Variants in AFG1L observed in about 807,000 individuals in gnomAD.
AFG1L encodes AFG1 like ATPase, also known as AFG1-like ATPase.
A neutral mutation model predicts 62.2 loss-of-function variants in AFG1L; 53 were observed. The ratio of observed to expected loss-of-function variants is 0.85; its 90% CI spans 0.68 to 1.07. The LOEUF is 1.07. Among genes scored for constraint, AFG1L ranks in the 50% least tolerant of loss-of-function variants. The probability of loss-of-function intolerance (pLI) is 0.00; values close to 1 mark genes in which losing one functional copy is unlikely to be tolerated. For missense variants in AFG1L, 555 were observed against 590.5 expected (o/e 0.94, Z 0.62); for synonymous variants, 228 against 210.3 (o/e 1.08, Z -0.73).
intron 10 of AFG1L, among the ~76,000 whole-genome samples, chr6:108,504,397 GA>G (rs925168344): frequency 2.0e-5 from 3 of 152,168 alleles, no homozygotes; most frequent in Admixed American, 2.0e-4. Context: ...TGAAGAGAGG[GA>G]GAAAGATGGG....
rs561002760 is a variant in AFG1L, at chr6:108,305,189, T to C, written c.139+9971T>C. The stretch of plus-strand genomic sequence containing the variant: ...TACAGAATTTCTAGAGCCATTTTAA[T>C]TCTGGAGAGGCTCATTATATTAACA... On this transcript the variant is annotated intron_variant, in intron 1 of 12. Transcript: ENST00000368977. 2.4e-4 allele frequency among the ~76,000 whole-genome samples: 37 copies of C among 152,350 alleles called. No individual in the cohort carries two copies. In the South Asian group the frequency reaches 7.3e-3, roughly 30 times the overall value.
intron 3 of AFG1L, among the ~76,000 whole-genome samples, chr6:108,352,942 G>A (rs1395359976): frequency 2.6e-5 from 4 of 152,074 alleles, no homozygotes; most frequent in African/African-American, 7.2e-5. Flanking sequence ...ACTAGATACA[G>A]AGGGCCAACT....
At chr6:108,491,617 G>A (rs1166321607) in intron 10 of AFG1L, among the ~76,000 whole-genome samples, 2 of 152,126 alleles carry the variant, frequency 1.3e-5, no homozygotes, top group Non-Finnish European at 2.9e-5. Context: ...GCCTTTCATG[G>A]ATGTTTTTAT....
chr6:108,446,491 CTTTT>C (rs1184074963), intron 7 of AFG1L, among the ~76,000 whole-genome samples: 1 of 122,294 alleles, frequency 8.2e-6, no homozygotes, highest in East Asian at 2.3e-4. Context: ...CTCTCTCTCT[CTTTT>C]TTTTTTTTTT....
chr6:108,414,287 A>G (rs952395652), intron 7 of AFG1L, among the ~76,000 whole-genome samples: 3 of 152,208 alleles, frequency 2.0e-5, no homozygotes, highest in Admixed American at 1.3e-4. Context: ...TTAATAGCCT[A>G]CCAACCCAAA....
chr6:108,379,294 G>T (rs948484763), intron 6 of AFG1L, among the ~76,000 whole-genome samples: 1 of 152,116 alleles, frequency 6.6e-6, no homozygotes, highest in African/African-American at 2.4e-5. Flanking sequence ...ACAGGCATGA[G>T]CCACCGCGCC....
intron 10 of AFG1L, among the ~76,000 whole-genome samples, chr6:108,478,420 G>A (rs1175288850): frequency 6.6e-6 from 1 of 152,242 alleles, no homozygotes; most frequent in African/African-American, 2.4e-5. Context: ...CTGGGTGACA[G>A]TGCGAGACTC....
intron 8 of AFG1L, among the ~76,000 whole-genome samples, chr6:108,468,065 C>G (rs1476186600): frequency 6.6e-6 from 1 of 152,194 alleles, no homozygotes; most frequent in Admixed American, 6.5e-5. Flanking sequence ...CAGCACCCCA[C>G]CAGAATCTGT....
chr6:108,401,545 G>A (rs6934910), intron 6 of AFG1L, among the ~76,000 whole-genome samples: 15,433 of 152,114 alleles, frequency 0.1, 1,096 homozygotes, highest in South Asian at 0.19. Flanking sequence ...TCCCCAAAGT[G>A]CTAGGATTAC....
chr6:108,390,639 C>T (rs1012834849), intron 6 of AFG1L, among the ~76,000 whole-genome samples: 4 of 152,218 alleles, frequency 2.6e-5, no homozygotes, highest in South Asian at 2.1e-4. Context: ...CCACTCCAGA[C>T]GCTGTTTGCC....
intron 8 of AFG1L, among the ~76,000 whole-genome samples, chr6:108,471,185 A>T (rs569325820): frequency 3.1e-4 from 47 of 152,282 alleles, no homozygotes; most frequent in Admixed American, 1.2e-3. Context: ...AATGTGAGTG[A>T]ATCTTTCTTG....
At chr6:108,321,994 T>G (rs1353857555) in intron 1 of AFG1L, among the ~76,000 whole-genome samples, 1 of 152,164 alleles carries the variant, frequency 6.6e-6, no homozygotes, top group Non-Finnish European at 1.5e-5. Flanking sequence ...GCCGTCCTCC[T>G]ACCTCAGCCT....
At position 108,338,097 on chromosome 6, in the gene AFG1L, G is replaced by A. The variant is rs771489071; in HGVS notation, c.364-8891G>A. Among the ~76,000 whole-genome samples, 54 of 152,128 alleles carry A rather than the reference G, an allele frequency of 3.5e-4. 1 individual carries two copies. The highest frequency in any genetic ancestry group is 6.2e-4 in the South Asian group (3 of 4,832). On this transcript the variant is annotated intron_variant, in intron 2 of 12. Transcript: ENST00000368977. ...GTTACTTGGGAGGCTAGGGTGGGAGGATCTCTTGAGCCCGGGAGGTCAAAC... is the reference window on the plus strand; with the variant it reads ...GTTACTTGGGAGGCTAGGGTGGGAGAATCTCTTGAGCCCGGGAGGTCAAAC...
chr6:108,511,558 G>C (rs1171231435), intron 11 of AFG1L, among the ~76,000 whole-genome samples: 1 of 152,146 alleles, frequency 6.6e-6, no homozygotes, highest in East Asian at 1.9e-4. Context: ...CTGGCCTATG[G>C]TACGCTCTCA....
chr6:108,312,284 A>ATTT (rs1777441996), intron 1 of AFG1L, among the ~76,000 whole-genome samples: 1 of 152,212 alleles, frequency 6.6e-6, no homozygotes, highest in African/African-American at 2.4e-5. Flanking sequence ...CATACCTGTG[A>ATTT]TCCCAGCACT....
intron 2 of AFG1L, among the ~76,000 whole-genome samples, chr6:108,340,889 C>G (rs1423068506): frequency 2.0e-5 from 3 of 152,152 alleles, no homozygotes; most frequent in Non-Finnish European, 4.4e-5. Context: ...CAACCCAATG[C>G]CTTCTGTTCT....
intron 5 of AFG1L, among the ~76,000 whole-genome samples, chr6:108,362,122 C>G (rs1779561882): frequency 6.6e-6 from 1 of 152,176 alleles, no homozygotes. Context: ...ATTTCTCAAG[C>G]AAAATCAGCA....
At chr6:108,366,852 T>C (rs1465139038) in intron 6 of AFG1L, among the ~76,000 whole-genome samples, 1 of 152,194 alleles carries the variant, frequency 6.6e-6, no homozygotes, top group Non-Finnish European at 1.5e-5. Flanking sequence ...AAATCTTGCA[T>C]CTTTCAGCCC....
At chr6:108,458,615 G>T (rs962465447) in intron 8 of AFG1L, among the ~76,000 whole-genome samples, 1 of 152,002 alleles carries the variant, frequency 6.6e-6, no homozygotes, top group Non-Finnish European at 1.5e-5. Context: ...TGCTGCGGGG[G>T]TTTCTTTTTT....
Sources: allele counts gnomAD v4.1 joint callset (sites outside exome capture counted in the v4.1 genomes callset), GRCh38; gene constraint gnomAD v4.1.1; transcripts MANE v1.5; gene names NCBI Gene and HGNC (gene_info 2026-07-23, HGNC 2026-07-21).